KANSL1L: variants seen among roughly 807,000 people sequenced by gnomAD.
KANSL1L encodes KAT8 regulatory NSL complex subunit 1 like.
A neutral mutation model predicts 108.6 loss-of-function variants in KANSL1L; 25 were observed. The ratio of observed to expected loss-of-function variants is 0.23; its 90% CI spans 0.17 to 0.32. The LOEUF is 0.32. Among genes scored for constraint, KANSL1L ranks in the 10% least tolerant of loss-of-function variants. The pLI is 1.00. For missense variants in KANSL1L, 1,137 were observed against 1,125.7 expected (o/e 1.01, Z -0.14); for synonymous variants, 405 against 395.1 (o/e 1.03, Z -0.30).
intron 1 of KANSL1L, among the ~76,000 whole-genome samples, chr2:210,157,907 A>AT (rs2095342524): frequency 1.3e-5 from 2 of 151,790 alleles, no homozygotes; most frequent in Admixed American, 6.6e-5. Flanking sequence ...CCTGTCAAAA[A>AT]AAAAGAAAGC....
intron 6 of KANSL1L, among the ~76,000 whole-genome samples, chr2:210,056,008 G>C (rs550441718): frequency 6.6e-6 from 1 of 152,330 alleles, no homozygotes; most frequent in Non-Finnish European, 1.5e-5. Context: ...CACAGGCCTG[G>C]AGACTTAGGA....
In KANSL1L at chr2:210,120,402, A is replaced by C. The variant is rs114498489; in HGVS notation, c.1230+8629T>G. Among the ~76,000 whole-genome samples the C allele has an allele frequency of 9.4e-3, 1,425 of 152,228 alleles. 21 individuals carry two copies. The highest frequency in any genetic ancestry group is 0.029 in the African/African-American group (1,222 of 41,548). On this transcript the variant is annotated intron_variant, in intron 3 of 14. Coordinates refer to ENST00000281772, the MANE Select transcript of KANSL1L (RefSeq NM_152519.4). ...GTGAGACTCCGTCTCCAAAGAAAAA[A>C]ATAAAAATAAAAAAGTGGTGCTGGG... is the stretch of plus-strand genomic sequence containing the variant.
chr2:210,098,628 A>G (rs954369108), intron 4 of KANSL1L, among the ~76,000 whole-genome samples: 11 of 152,258 alleles, frequency 7.2e-5, no homozygotes, highest in African/African-American at 2.6e-4. Flanking sequence ...AGCAAAGAAG[A>G]TAATATTAGA....
At chr2:210,162,997 G>C (rs1005206301) in intron 1 of KANSL1L, among the ~76,000 whole-genome samples, 3 of 152,182 alleles carry the variant, frequency 2.0e-5, no homozygotes, top group Admixed American at 6.6e-5. Flanking sequence ...CAGGCTCATT[G>C]AAAGACAGAC....
At chr2:210,070,695 T>C (rs1312613645) in intron 6 of KANSL1L, among the ~76,000 whole-genome samples, 1 of 152,158 alleles carries the variant, frequency 6.6e-6, no homozygotes, top group Non-Finnish European at 1.5e-5. Context: ...CACAACTGAG[T>C]GGCTGAAATA....
intron 2 of KANSL1L, among the ~76,000 whole-genome samples, chr2:210,133,157 G>A (rs1316761293): frequency 6.6e-6 from 1 of 152,018 alleles, no homozygotes; most frequent in African/African-American, 2.4e-5. Flanking sequence ...ACCAAAATCT[G>A]CGGAAATGGT....
In KANSL1L at chr2:210,083,198, C is replaced by T. The variant is rs1480392998; in HGVS notation, c.1551-7442G>A. On this transcript the variant is annotated intron_variant, in intron 5 of 14. Transcript: ENST00000281772. ...GAGGCAAAGAAGGATTCCCTAGAAC[C>T]TTCACAGGAAGTATGATCTTGACAC... Among the ~76,000 whole-genome samples, 4 of 152,100 alleles carry T rather than the reference C, an allele frequency of 2.6e-5. No individual in the cohort carries two copies. In the South Asian group the frequency reaches 8.3e-4, roughly 32 times the overall value.
upstream of KANSL1L, among the ~76,000 whole-genome samples, chr2:210,172,449 AAC>A (rs1385427075): frequency 6.6e-6 from 1 of 152,248 alleles, no homozygotes; most frequent in Non-Finnish European, 1.5e-5. Context: ...CGTAATCCGT[AAC>A]ATAGATAACT....
At chr2:210,110,984 T>C (rs931780058) in intron 3 of KANSL1L, among the ~76,000 whole-genome samples, 1 of 152,012 alleles carries the variant, frequency 6.6e-6, no homozygotes, top group Non-Finnish European at 1.5e-5. Context: ...CGCTGGTGCA[T>C]TCTTGTAGTC....
At chr2:210,033,980 G>A (rs915829034) in intron 8 of KANSL1L, among the ~76,000 whole-genome samples, 3 of 152,054 alleles carry the variant, frequency 2.0e-5, no homozygotes, top group Non-Finnish European at 4.4e-5. Flanking sequence ...CTCTTCACCT[G>A]TTCTATTGAT....
chr2:210,149,172 T>C (rs1479574194), intron 2 of KANSL1L, among the ~76,000 whole-genome samples: 1 of 151,980 alleles, frequency 6.6e-6, no homozygotes, highest in East Asian at 1.9e-4. Context: ...AAAAACCATA[T>C]ATAGAAGAGA....
At chr2:210,059,545 T>C (rs921297184) in intron 6 of KANSL1L, among the ~76,000 whole-genome samples, 1 of 152,222 alleles carries the variant, frequency 6.6e-6, no homozygotes, top group African/African-American at 2.4e-5. Flanking sequence ...AGCTTCCAAA[T>C]TTATCTGCAA....
chr2:210,037,297 G>C (rs543445519), intron 8 of KANSL1L, among the ~76,000 whole-genome samples: 2 of 152,056 alleles, frequency 1.3e-5, no homozygotes, highest in African/African-American at 4.8e-5. Context: ...ATGTTCTTTA[G>C]CTATTTCCTA....
At chr2:210,103,758 A>G (rs962423284) in intron 4 of KANSL1L, among the ~76,000 whole-genome samples, 14 of 152,142 alleles carry the variant, frequency 9.2e-5, no homozygotes, top group African/African-American at 2.4e-5. Flanking sequence ...TCAAACAACC[A>G]TTCAGACATA....
intron 5 of KANSL1L, chr2:210,088,754 C>T (rs1559546903): frequency 6.6e-6 from 1 of 152,254 alleles, no homozygotes; most frequent in Non-Finnish European, 1.5e-5. Context: ...TCGAGTTCCT[C>T]TACGAGGAAC....
rs200450145 is a variant in KANSL1L at position 210,024,208 on chromosome 2, A to C, written c.2565-7T>G. 3.6e-5 allele frequency: 55 copies of C among 1,548,892 alleles called. No homozygotes were observed. The highest frequency in any genetic ancestry group is 4.4e-5 in the Non-Finnish European group (51 of 1,148,604). On this transcript the variant is annotated splice_region_variant and splice_polypyrimidine_tract_variant and intron_variant, in intron 13 of 14. Coordinates refer to ENST00000281772, the MANE Select transcript of KANSL1L (RefSeq NM_152519.4). ...AACATTTTTACTGTAAGCTCTAGCA[A>C]GAAAATCAGGAAAACACAATTATTT...
intron 14 of KANSL1L, 22 bp downstream of exon 14, chr2:210,024,011 T>A (rs748673389): frequency 8.1e-6 from 12 of 1,478,908 alleles, no homozygotes; most frequent in Non-Finnish European, 1.1e-5. Context: ...ATGGGAAGTT[T>A]AATCATACAT....
At chr2:210,161,923 A>G (rs1355394892) in intron 1 of KANSL1L, among the ~76,000 whole-genome samples, 1 of 151,674 alleles carries the variant, frequency 6.6e-6, no homozygotes, top group Non-Finnish European at 1.5e-5. Flanking sequence ...GATGGTGTAT[A>G]TATTTATGGG....
intron 5 of KANSL1L, 131 bp downstream of exon 5, chr2:210,097,952 ATAT>A (rs2094753833): frequency 1.9e-6 from 1 of 523,142 alleles, no homozygotes; most frequent in South Asian, 3.2e-5. Flanking sequence ...CATCCATGGT[ATAT>A]TGATTGTACT....
Sources: gnomAD v4.1 joint callset for allele counts (sites outside exome capture counted in the v4.1 genomes callset) on GRCh38, gnomAD v4.1.1 for gene constraint, MANE v1.5 for transcripts, NCBI Gene and HGNC (gene_info 2026-07-23, HGNC 2026-07-21) for gene names.